The following TBC1D1 variants were observed in gnomAD, a reference collection of about 807,000 sequenced individuals.
TBC1D1 encodes TBC1 (tre-2/USP6, BUB2, cdc16) domain family, member 1.
A neutral mutation model predicts 125.6 loss-of-function variants in TBC1D1; 89 were observed. The observed-to-expected ratio is 0.71, with a 90% CI of 0.60 to 0.85. TBC1D1 has a LOEUF of 0.85. Ranked by LOEUF, TBC1D1 falls within the 40% of genes least tolerant of loss-of-function variation. The pLI is 0.00. For synonymous variants in TBC1D1, 565 were observed against 564.1 expected (o/e 1.00, Z -0.02); for missense variants, 1,377 against 1,469.2 (o/e 0.94, Z 1.03).
At position 38,097,341 on chromosome 4, in the gene TBC1D1, T is replaced by G. The variant is rs888413571; in HGVS notation, c.2398+1251T>G. Among the ~76,000 whole-genome samples, 334 of 80,194 alleles carry G rather than the reference T, an allele frequency of 4.2e-3. 1 individual carries two copies. Among genetic ancestry groups the G allele is most frequent in the Non-Finnish European group, 5.8e-3 (227 of 38,902 alleles). 52.6% of individuals were successfully genotyped at this position (80,194 alleles called of 152,430 possible). ...CCATGCCTGGCTAATTTTTTGTGGGTTTTTTTTTTTTTTTTTAAGACAGAG... is the reference window on the plus strand; with the variant it reads ...CCATGCCTGGCTAATTTTTTGTGGGGTTTTTTTTTTTTTTTTAAGACAGAG... On this transcript the variant is annotated intron_variant, in intron 14 of 19. Transcript: ENST00000261439.
At chr4:37,911,739 G>T (rs1265076113) in intron 2 of TBC1D1, among the ~76,000 whole-genome samples, 1 of 152,184 alleles carries the variant, frequency 6.6e-6, no homozygotes. Context: ...AACAACGCAT[G>T]ATTGTGCCCT....
At chr4:37,949,972 T>C (rs1407927152) in intron 2 of TBC1D1, among the ~76,000 whole-genome samples, 1 of 152,178 alleles carries the variant, frequency 6.6e-6, no homozygotes, top group Admixed American at 6.5e-5. Context: ...AACCCATTCG[T>C]TACCATACCC....
chr4:38,002,408 G>A (rs1739257862), intron 2 of TBC1D1, among the ~76,000 whole-genome samples: 1 of 152,178 alleles, frequency 6.6e-6, no homozygotes, highest in South Asian at 2.1e-4. Flanking sequence ...TATTTTTACA[G>A]CATCTGTTTC....
intron 15 of TBC1D1, among the ~76,000 whole-genome samples, chr4:38,104,529 A>G (rs1031349796): frequency 1.3e-5 from 2 of 152,196 alleles, no homozygotes; most frequent in African/African-American, 4.8e-5. Flanking sequence ...CTTTTAGAGC[A>G]TGTGGCCCTG....
At chr4:38,086,151 C>T (rs972375541) in intron 12 of TBC1D1, among the ~76,000 whole-genome samples, 8 of 139,490 alleles carry the variant, frequency 5.7e-5, no homozygotes, top group South Asian at 2.5e-4. Context: ...TGTTGTTAAT[C>T]GTAAACTATA....
intron 7 of TBC1D1, among the ~76,000 whole-genome samples, chr4:38,029,347 A>G (rs1745688276): frequency 1.3e-5 from 2 of 152,150 alleles, no homozygotes; most frequent in South Asian, 4.2e-4. Context: ...TGTAAAAAAA[A>G]TGAAAGGATT....
At chr4:38,118,487 G>A (rs1190232862) in intron 17 of TBC1D1, 1 of 303,144 alleles carries the variant, frequency 3.3e-6, no homozygotes, top group Non-Finnish European at 6.1e-6. Flanking sequence ...TGGAGGACTT[G>A]GCTGAGGAGC....
At chr4:38,118,339 G>A in intron 17 of TBC1D1, 147 bp downstream of exon 19, 3 of 967,800 alleles carry the variant, frequency 3.1e-6, no homozygotes, top group South Asian at 3.4e-5. Context: ...TTAGTCAGGG[G>A]TGGGTTTTGT....
chr4:37,914,973 AT>A (rs1719410325), intron 2 of TBC1D1, among the ~76,000 whole-genome samples: 1 of 152,216 alleles, frequency 6.6e-6, no homozygotes, highest in Non-Finnish European at 1.5e-5. Flanking sequence ...ATTATCTGAA[AT>A]TATCTTGTTC....
intron 2 of TBC1D1, among the ~76,000 whole-genome samples, chr4:37,961,804 T>C (rs185810763): frequency 3.9e-4 from 60 of 152,332 alleles, no homozygotes; most frequent in African/African-American, 1.4e-3. Flanking sequence ...TCAAAGGCCA[T>C]GACAGGCCAA....
At chr4:38,068,735 G>T (rs1030888665) in intron 12 of TBC1D1, among the ~76,000 whole-genome samples, 1 of 152,198 alleles carries the variant, frequency 6.6e-6, no homozygotes, top group Non-Finnish European at 1.5e-5. Context: ...TGTGGCTACC[G>T]TATTGTAAGC....
intron 2 of TBC1D1, among the ~76,000 whole-genome samples, chr4:37,946,516 T>A (rs1726728477): frequency 6.6e-6 from 1 of 152,234 alleles, no homozygotes; most frequent in African/African-American, 2.4e-5. Flanking sequence ...TGTGAATCTA[T>A]TAAAATAATG....
chr4:38,029,987 A>G lies in TBC1D1; in HGVS notation c.1302+2108A>G, dbSNP rs566681429. 4.6e-5 allele frequency among the ~76,000 whole-genome samples: 7 copies of G among 152,354 alleles called. No individual in the cohort carries two copies. In the South Asian group the frequency reaches 1.2e-3, roughly 27 times the overall value. On this transcript the variant is annotated intron_variant, in intron 7 of 19. Transcript: ENST00000261439. ...GCTTCTGATTGTTAATGCATTTACA[A>G]TTCAAGTTGGGGCCTTTTTCATCTA...
At position 38,018,458 on chromosome 4, in the gene TBC1D1, G is replaced by T. The variant is rs748234165; in HGVS notation, c.972+15G>T. On this transcript the variant is annotated intron_variant, in intron 4 of 19. Coordinates refer to ENST00000261439, the MANE Select transcript of TBC1D1 (RefSeq NM_015173.4). ...TTTGCTCTCAGGTAAATGGAGATGG[G>T]TTTTTTTATTCAATTGCAATGGAAT... 7 of 1,493,034 alleles carry T rather than the reference G, an allele frequency of 4.7e-6. No individual in the cohort carries two copies. The highest frequency in any genetic ancestry group is 4.2e-5 in the African/African-American group (3 of 70,680). 92.5% of individuals were successfully genotyped at this position (1,493,034 alleles called of 1,614,324 possible).
intron 14 of TBC1D1, among the ~76,000 whole-genome samples, chr4:38,101,121 A>G (rs903877772): frequency 4.6e-5 from 7 of 152,222 alleles, no homozygotes; most frequent in Non-Finnish European, 8.8e-5. Flanking sequence ...GCGATGGTGC[A>G]TAGTGGCCTC....
intron 19 of TBC1D1, among the ~76,000 whole-genome samples, chr4:38,133,695 A>T (rs1218266109): frequency 1.3e-5 from 2 of 152,250 alleles, no homozygotes; most frequent in African/African-American, 4.8e-5. Context: ...AGAAGAGATG[A>T]TAATTCTTTG....
intron 13 of TBC1D1, among the ~76,000 whole-genome samples, chr4:38,095,637 A>T (rs1261455303): frequency 1.3e-5 from 2 of 152,166 alleles, no homozygotes; most frequent in Admixed American, 6.5e-5. Flanking sequence ...TCATAGTTTG[A>T]TAGGGGTAAG....
rs1281230596 is a variant in TBC1D1 at position 38,021,651 on chromosome 4, G to A, written c.1143G>A (p.Lys381=). Residue 381 remains lysine (K), a synonymous_variant, in exon 6 of 20, where the codon AAG becomes AAA. Coordinates refer to ENST00000261439, the MANE Select transcript of TBC1D1 (RefSeq NM_015173.4). ...TGGCCGCAGTGCAGCAGACAGCTAAGGCGCCAGCCCAGCTGTGTGAGGGCT... is the reference window on the plus strand; with the variant it reads ...TGGCCGCAGTGCAGCAGACAGCTAAAGCGCCAGCCCAGCTGTGTGAGGGCT... 1.9e-6 allele frequency: 3 copies of A among 1,597,984 alleles called. No individual in the cohort carries two copies. Among genetic ancestry groups the A allele is most frequent in the Admixed American group, 1.7e-5 (1 of 57,714 alleles).
In TBC1D1 at chr4:37,902,276, A is replaced by C. The variant is rs751919330; in HGVS notation, c.181A>C (p.Thr61Pro). The change falls in exon 2 of 20, where the codon ACC becomes CCC. Residue 61 changes from threonine (T) to proline (P), a missense_variant. This residue lies in a region of TBC1D1 where 822 missense variants were observed against 824.6 expected (regional missense o/e 1.00). Transcript: ENST00000261439. ...GCAGTCCACCAGAAAGGAACCTGTA[A>C]CCAAGCAAGTCCGGCTTTGCGTTTC... is the stretch of plus-strand genomic sequence containing the variant. 5.6e-6 allele frequency: 9 copies of C among 1,613,964 alleles called. No homozygotes were observed. Among genetic ancestry groups the C allele is most frequent in the Non-Finnish European group, 7.6e-6 (9 of 1,180,012 alleles).
Sources: gnomAD v4.1 joint callset for allele counts (sites outside exome capture counted in the v4.1 genomes callset) on GRCh38, gnomAD v4.1.1 for gene constraint, gnomAD v4.1.1 regional missense constraint, MANE v1.5 for transcripts, NCBI Gene and HGNC (gene_info 2026-07-23, HGNC 2026-07-21) for gene names.